CA10: variants seen among roughly 807,000 people sequenced by gnomAD.
CA10 encodes the protein carbonic anhydrase 10 (inactive).
CA10 carries 14 observed loss-of-function variants against 44.2 expected under a neutral mutation model. The observed-to-expected ratio is 0.32, with a 90% CI of 0.21 to 0.50. The LOEUF (loss-of-function observed/expected upper bound fraction) is 0.50. Among genes scored for constraint, CA10 ranks in the 20% least tolerant of loss-of-function variants. The pLI is 0.99. For missense variants in CA10, 350 were observed against 409.7 expected (o/e 0.85, Z 1.26); for synonymous variants, 159 against 141.6 (o/e 1.12, Z -0.87).
chr17:51,702,992 T>C (rs1032338186), intron 4 of CA10, among the ~76,000 whole-genome samples: 54 of 152,180 alleles, frequency 3.5e-4, no homozygotes, highest in African/African-American at 1.2e-3. Flanking sequence ...AATTCAATTT[T>C]GAGTGTTCTG....
At chr17:52,141,545 G>A (rs1159251270) in intron 1 of CA10, among the ~76,000 whole-genome samples, 1 of 152,190 alleles carries the variant, frequency 6.6e-6, no homozygotes, top group Non-Finnish European at 1.5e-5. Context: ...TTTAGGCTTT[G>A]CAGGCAGTAT....
At chr17:52,042,907 G>A (rs1018228278) in intron 2 of CA10, among the ~76,000 whole-genome samples, 1 of 151,980 alleles carries the variant, frequency 6.6e-6, no homozygotes, top group Admixed American at 6.6e-5. Flanking sequence ...GTTGAGTGAT[G>A]TGCATAGGTT....
At chr17:51,726,824 A>G (rs1916540708) in intron 4 of CA10, among the ~76,000 whole-genome samples, 1 of 152,178 alleles carries the variant, frequency 6.6e-6, no homozygotes, top group African/African-American at 2.4e-5. Flanking sequence ...GACTTTAGAG[A>G]TTTTTCAGAG....
intron 3 of CA10, among the ~76,000 whole-genome samples, chr17:51,816,138 T>C (rs1466539789): frequency 2.6e-5 from 4 of 152,210 alleles, no homozygotes; most frequent in Non-Finnish European, 5.9e-5. Context: ...TGTTTTGACT[T>C]TTAGATCACA....
chr17:51,846,455 A>G (rs1978497766), intron 3 of CA10, among the ~76,000 whole-genome samples: 1 of 152,244 alleles, frequency 6.6e-6, no homozygotes, highest in South Asian at 2.1e-4. Context: ...TTGTTGCACA[A>G]TGATCTAAGT....
intron 4 of CA10, among the ~76,000 whole-genome samples, chr17:51,670,480 C>T (rs990913807): frequency 8.6e-5 from 13 of 151,672 alleles, no homozygotes; most frequent in African/African-American, 2.4e-4. Context: ...TGATTGGGTC[C>T]GCATTCCTTT....
At chr17:51,699,168 A>C (rs185294733) in intron 4 of CA10, among the ~76,000 whole-genome samples, 1 of 151,756 alleles carries the variant, frequency 6.6e-6, no homozygotes, top group Admixed American at 6.6e-5. Flanking sequence ...TAAAAATACA[A>C]AAAAATTACC....
At chr17:52,034,253 T>C (rs1423273752) in intron 2 of CA10, among the ~76,000 whole-genome samples, 1 of 152,182 alleles carries the variant, frequency 6.6e-6, no homozygotes, top group Non-Finnish European at 1.5e-5. Flanking sequence ...CTGGAGGTGA[T>C]AGGTTTATGG....
intron 4 of CA10, among the ~76,000 whole-genome samples, chr17:51,740,657 G>A (rs984210225): frequency 2.0e-5 from 3 of 152,080 alleles, no homozygotes; most frequent in African/African-American, 7.2e-5. Flanking sequence ...GCAGCCTCTG[G>A]CCCTGCTCTG....
In CA10 at chr17:51,653,661, C is replaced by T; in HGVS notation, c.541G>A (p.Val181Ile). ...CTTACTTTTATAAATATAGAAACTACCACCAATCCATTTGGACTCTTTGCA... is the reference window on the plus strand; with the variant it reads ...CTTACTTTTATAAATATAGAAACTATCACCAATCCATTTGGACTCTTTGCA... ...EAAKSPNGLV[V>I]VSIFIKVSDS... Residue 181 changes from valine (V) to isoleucine (I), a missense_variant, in exon 5 of 9, where the codon GTA (valine) becomes ATA (isoleucine). By Grantham distance (29) the Val-to-Ile change is conservative. Coordinates refer to ENST00000451037, the MANE Select transcript of CA10 (RefSeq NM_020178.5). The T allele has an allele frequency of 6.3e-7, 1 of 1,592,506 alleles. No individual in the cohort carries two copies. The highest frequency in any genetic ancestry group is 8.6e-7 in the Non-Finnish European group (1 of 1,160,370).
At chr17:51,786,626 G>T (rs192258955) in intron 3 of CA10, among the ~76,000 whole-genome samples, 4 of 152,256 alleles carry the variant, frequency 2.6e-5, no homozygotes, top group Admixed American at 1.3e-4. Context: ...CAATTTGGAT[G>T]CCCTTTATAT....
At chr17:51,867,119 T>G (rs1979583756) in intron 3 of CA10, among the ~76,000 whole-genome samples, 1 of 152,132 alleles carries the variant, frequency 6.6e-6, no homozygotes, top group Non-Finnish European at 1.5e-5. Flanking sequence ...TACTGCCCAT[T>G]TCAGTAAGAA....
intron 3 of CA10, chr17:51,762,663 T>G (rs1159543386): frequency 2.0e-5 from 3 of 152,114 alleles, no homozygotes; most frequent in African/African-American, 7.2e-5. Flanking sequence ...TATTATTTAC[T>G]TTCCACCAAA....
intron 3 of CA10, among the ~76,000 whole-genome samples, chr17:51,815,372 G>A (rs568441727): frequency 1.3e-5 from 2 of 152,294 alleles, no homozygotes; most frequent in South Asian, 4.2e-4. Context: ...AGACAGCATT[G>A]TTCCGTTGCC....
At chr17:51,823,550 G>T (rs547135184) in intron 3 of CA10, among the ~76,000 whole-genome samples, 1 of 152,330 alleles carries the variant, frequency 6.6e-6, no homozygotes, top group Admixed American at 6.5e-5. Context: ...GCCTAGTTGT[G>T]CTCACTGTAG....
At chr17:51,677,196 TC>T (rs1412602845) in intron 4 of CA10, among the ~76,000 whole-genome samples, 1 of 152,156 alleles carries the variant, frequency 6.6e-6, no homozygotes, top group Non-Finnish European at 1.5e-5. Context: ...TGGGTCTGTG[TC>T]CCCACCCAAA....
intron 2 of CA10, among the ~76,000 whole-genome samples, chr17:51,940,292 C>T (rs1174743485): frequency 6.6e-6 from 1 of 152,056 alleles, no homozygotes; most frequent in Non-Finnish European, 1.5e-5. Flanking sequence ...AGTGTAGTAA[C>T]ATTTATGGTA....
intron 2 of CA10, among the ~76,000 whole-genome samples, chr17:51,942,160 C>T (rs1048209116): frequency 1.3e-5 from 2 of 152,114 alleles, no homozygotes; most frequent in Admixed American, 1.3e-4. Context: ...AAACCTCCAG[C>T]TGTTCCAGTC....
intron 4 of CA10, among the ~76,000 whole-genome samples, chr17:51,697,745 GAATA>G (rs1915450532): frequency 6.6e-6 from 1 of 152,192 alleles, no homozygotes; most frequent in African/African-American, 2.4e-5. Flanking sequence ...TTCACTGAAT[GAATA>G]AACAAATGAA....
Sources: gnomAD v4.1 joint callset for allele counts (sites outside exome capture counted in the v4.1 genomes callset) on GRCh38, gnomAD v4.1.1 for gene constraint, MANE v1.5 for transcripts, NCBI Gene and HGNC (gene_info 2026-07-23, HGNC 2026-07-21) for gene names.